Variants in GK5 observed in about 807,000 individuals in gnomAD.
GK5 encodes the protein ATP:glycerol 3-phosphotransferase 5.
In GK5, 39 loss-of-function variants were observed where a neutral mutation model predicts 77.3. The ratio of observed to expected loss-of-function variants is 0.50; its 90% CI spans 0.39 to 0.66. The LOEUF (loss-of-function observed/expected upper bound fraction) is 0.66. GK5 is among the 30% of genes least tolerant of loss of function. The probability of loss-of-function intolerance (pLI) is 0.00; values close to 1 mark genes in which losing one functional copy is unlikely to be tolerated. For missense variants in GK5, 487 were observed against 633.8 expected, an observed-to-expected ratio of 0.77 and a Z score of 2.49; for synonymous variants, 211 against 208.0, an observed-to-expected ratio of 1.01 and a Z score of -0.13.
At position 142,157,691 on chromosome 3, in the gene GK5, ATCTT is replaced by A. The variant is rs2063393062; in HGVS notation, c.*7927_*7930del. ...ATTATCTTTTCTCCAGTTATTTATAATCTTTCTAAATATTTTAAAATACAGTATA... is the reference window on the plus strand; with the variant it reads ...ATTATCTTTTCTCCAGTTATTTATAATCTAAATATTTTAAAATACAGTATA... On this transcript the variant is annotated 3_prime_UTR_variant, in exon 16 of 16. Coordinates refer to ENST00000392993, the MANE Select transcript of GK5 (RefSeq NM_001039547.3). The A allele has an allele frequency of 6.6e-6, 1 of 152,262 alleles. No homozygotes were observed. Among genetic ancestry groups the A allele is most frequent in the African/African-American group, 2.4e-5 (1 of 41,554 alleles). The allele number at this position is 152,262 out of a possible 1,614,324, so 9.4% of individuals were successfully genotyped here.
At chr3:142,166,929 A>G (rs1005181844) in intron 15 of GK5, among the ~76,000 whole-genome samples, 2 of 152,108 alleles carry the variant, frequency 1.3e-5, no homozygotes, top group Non-Finnish European at 2.9e-5. Context: ...GGTCTATCAC[A>G]CCTCTTTTGA....
At chr3:142,205,247 G>T (rs2064087512) in intron 3 of GK5, among the ~76,000 whole-genome samples, 1 of 152,004 alleles carries the variant, frequency 6.6e-6, no homozygotes, top group African/African-American at 2.4e-5. Context: ...CCAATAAATA[G>T]AAATTCAACA....
At chr3:142,181,939 A>C (rs568560212) in intron 10 of GK5, among the ~76,000 whole-genome samples, 17 of 152,352 alleles carry the variant, frequency 1.1e-4, no homozygotes, top group African/African-American at 4.1e-4. Context: ...TGAGAAATAA[A>C]AGGGTACTAT....
At position 142,215,483 on chromosome 3, in the gene GK5, C is replaced by G. The variant is rs2064260941; in HGVS notation, c.241+116G>C. The G allele has an allele frequency of 4.3e-5, 23 of 531,688 alleles. No individual in the cohort carries two copies. In the East Asian group the frequency reaches 7.3e-4, roughly 17 times the overall value. The allele number at this position is 531,688 out of a possible 1,614,324, so 32.9% of individuals were successfully genotyped here. The stretch of plus-strand genomic sequence containing the variant: ...GAAAAATACTGGGAAACTGTAATCC[C>G]AATAAAATACTATATATATGTATAA... On this transcript the variant is annotated intron_variant, in intron 2 of 15. Coordinates refer to ENST00000392993, the MANE Select transcript of GK5 (RefSeq NM_001039547.3).
At chr3:142,199,215 A>C (rs1577134582) in intron 4 of GK5, among the ~76,000 whole-genome samples, 1 of 152,220 alleles carries the variant, frequency 6.6e-6, no homozygotes, top group East Asian at 1.9e-4. Flanking sequence ...CTATATTTTT[A>C]CCTCTCTACC....
chr3:142,202,738 C>T (rs1037974533), intron 4 of GK5, among the ~76,000 whole-genome samples: 1 of 152,136 alleles, frequency 6.6e-6, no homozygotes, highest in East Asian at 1.9e-4. Flanking sequence ...GGGCGGATCA[C>T]GTGAGGCTAG....
intron 6 of GK5, among the ~76,000 whole-genome samples, chr3:142,186,929 C>T (rs1409514716): frequency 2.0e-5 from 3 of 151,992 alleles, no homozygotes; most frequent in Admixed American, 2.0e-4. Flanking sequence ...CCGCACCTGG[C>T]CCAAAATGTG....
Position 142,161,320 on chromosome 3 carries a change from C to T in GK5, c.*4302G>A, listed in dbSNP as rs896284949. ...GTTTCTCCATGTTGGTCAGGCTGGTCTCAAGCTACTAACCTCAGGTAATCC... is the reference window on the plus strand; with the variant it reads ...GTTTCTCCATGTTGGTCAGGCTGGTTTCAAGCTACTAACCTCAGGTAATCC... On this transcript the variant is annotated 3_prime_UTR_variant, in exon 16 of 16. Transcript: ENST00000392993. 3.5e-4 allele frequency: 53 copies of T among 151,918 alleles called. No homozygotes were observed. The highest frequency in any genetic ancestry group is 1.2e-3 in the African/African-American group (51 of 41,340). 9.4% of individuals were successfully genotyped at this position (151,918 alleles called of 1,614,324 possible).
chr3:142,201,714 A>G (rs1362578095), intron 4 of GK5, among the ~76,000 whole-genome samples: 1 of 152,200 alleles, frequency 6.6e-6, no homozygotes, highest in Admixed American at 6.5e-5. Flanking sequence ...GGATTGTATT[A>G]ATGTCAATGT....
At chr3:142,181,787 G>C (rs2063700768) in intron 10 of GK5, among the ~76,000 whole-genome samples, 1 of 152,146 alleles carries the variant, frequency 6.6e-6, no homozygotes, top group South Asian at 2.1e-4. Flanking sequence ...CTACCTCAGA[G>C]AGCTACGAAA....
At position 142,161,505 on chromosome 3, in the gene GK5, T is replaced by A. The variant is rs2063425594; in HGVS notation, c.*4117A>T. ...AAAGTTGCACTAACAAAGTAAAAATTTATCCCACATACATGAAAGCACAGT... is the reference window on the plus strand; with the variant it reads ...AAAGTTGCACTAACAAAGTAAAAATATATCCCACATACATGAAAGCACAGT... On this transcript the variant is annotated 3_prime_UTR_variant, in exon 16 of 16. Coordinates refer to ENST00000392993, the MANE Select transcript of GK5 (RefSeq NM_001039547.3). The A allele has an allele frequency of 6.6e-6, 1 of 152,200 alleles. No homozygotes were observed. The highest frequency in any genetic ancestry group is 2.1e-4 in the South Asian group (1 of 4,834). 9.4% of individuals were successfully genotyped at this position (152,200 alleles called of 1,614,324 possible).
intron 4 of GK5, among the ~76,000 whole-genome samples, chr3:142,202,523 A>G (rs529997703): frequency 4.0e-4 from 61 of 152,344 alleles, no homozygotes; most frequent in African/African-American, 1.4e-3. Context: ...TATGTGTGCT[A>G]AACTGTGAAA....
At chr3:142,195,184 C>T (rs911298347) in intron 5 of GK5, among the ~76,000 whole-genome samples, 12 of 151,990 alleles carry the variant, frequency 7.9e-5, no homozygotes, top group Non-Finnish European at 1.5e-4. Context: ...TATTTTTTTA[C>T]ATTTACCAGT....
intron 5 of GK5, among the ~76,000 whole-genome samples, chr3:142,197,369 CTTT>C (rs1039852764): frequency 6.6e-6 from 1 of 152,002 alleles, no homozygotes; most frequent in Non-Finnish European, 1.5e-5. Context: ...ATAAAATTCC[CTTT>C]TTATCTCTAG....
intron 1 of GK5, among the ~76,000 whole-genome samples, chr3:142,224,611 G>T (rs1480259051): frequency 1.3e-5 from 2 of 152,096 alleles, no homozygotes; most frequent in African/African-American, 4.8e-5. Flanking sequence ...CAAACGAGGG[G>T]AAATAAAGAA....
rs1226583848 is a variant in GK5, at chr3:142,159,494, T to G, written c.*6128A>C. The G allele has an allele frequency of 6.6e-6, 1 of 152,154 alleles. No homozygotes were observed. The highest frequency in any genetic ancestry group is 2.4e-5 in the African/African-American group (1 of 41,438). 9.4% of individuals were successfully genotyped at this position (152,154 alleles called of 1,614,324 possible). A position where few individuals can be genotyped will look rare whatever the true frequency, so the allele number is the denominator to read the frequency against. On this transcript the variant is annotated 3_prime_UTR_variant, in exon 16 of 16. Coordinates refer to ENST00000392993, the MANE Select transcript of GK5 (RefSeq NM_001039547.3). ...AATATCTGATTTTGCAAGCACCTGT[T>G]TCTGTCCTTCCCACTCCAAGATCAT...
At chr3:142,185,231 G>T in intron 9 of GK5, 1 of 500,412 alleles carries the variant, frequency 2.0e-6, no homozygotes, top group Non-Finnish European at 2.6e-6. Flanking sequence ...GGGGAACACA[G>T]CAAAATCCTA....
At chr3:142,169,919 C>T (rs1408312530) in intron 15 of GK5, among the ~76,000 whole-genome samples, 3 of 152,042 alleles carry the variant, frequency 2.0e-5, no homozygotes, top group Non-Finnish European at 4.4e-5. Context: ...GTGATCCACC[C>T]GCTTCAGCCT....
At chr3:142,183,188 T>C in intron 9 of GK5, 139 bp from the exon 10 acceptor site, 1 of 719,396 alleles carries the variant, frequency 1.4e-6, no homozygotes, top group South Asian at 2.2e-5. Context: ...AAAAAAAAAA[T>C]CCCAAAGAGA....
Sources: gnomAD v4.1 joint callset for allele counts (sites outside exome capture counted in the v4.1 genomes callset) on GRCh38, gnomAD v4.1.1 for gene constraint, MANE v1.5 for transcripts, NCBI Gene and HGNC (gene_info 2026-07-23, HGNC 2026-07-21) for gene names.